Variants in VWA3B observed in about 807,000 individuals in gnomAD.
The protein encoded by VWA3B is von Willebrand factor A domain containing 3B, also known as von Willebrand factor A domain-containing protein 3B.
VWA3B carries 138 observed loss-of-function variants against 158.3 expected under a neutral mutation model. The observed-to-expected ratio is 0.87, with a 90% CI of 0.76 to 1.00. VWA3B has a LOEUF of 1.00. Among genes scored for constraint, VWA3B ranks in the 50% least tolerant of loss-of-function variants. The pLI is 0.00. For synonymous variants in VWA3B, 596 were observed against 587.3 expected, an observed-to-expected ratio of 1.01 and a Z score of -0.21; for missense variants, 1,555 against 1,565.1, an observed-to-expected ratio of 0.99 and a Z score of 0.11.
At chr2:98,201,406 T>C (rs1217321314) in intron 12 of VWA3B, among the ~76,000 whole-genome samples, 3 of 152,208 alleles carry the variant, frequency 2.0e-5, no homozygotes, top group Non-Finnish European at 4.4e-5. Flanking sequence ...TTACTTGGGA[T>C]TTCCAATGAT....
intron 20 of VWA3B, 143 bp from the exon 21 acceptor site, chr2:98,255,981 C>T: frequency 1.2e-6 from 1 of 801,902 alleles, no homozygotes. Context: ...GGTGACACAT[C>T]CAGTGTCTTT....
At chr2:98,146,878 G>A (rs1677210667) in intron 7 of VWA3B, among the ~76,000 whole-genome samples, 1 of 152,206 alleles carries the variant, frequency 6.6e-6, no homozygotes, top group Admixed American at 6.5e-5. Flanking sequence ...GATGTATGAA[G>A]GCGTGGGCTC....
At chr2:98,302,886 G>C (rs558411006) in intron 25 of VWA3B, among the ~76,000 whole-genome samples, 2 of 152,204 alleles carry the variant, frequency 1.3e-5, no homozygotes, top group Non-Finnish European at 2.9e-5. Context: ...AAGACCATCA[G>C]AGCCAGCGGC....
rs1280462882 is a variant in VWA3B at position 98,312,018 on chromosome 2, C to T, written c.3721C>T (p.His1241Tyr). 6.3e-7 allele frequency: 1 copy of T among 1,598,606 alleles called. No individual in the cohort carries two copies. ...CTCCCATGGGTCCTGCCAGGGGACA[C>T]ACCCCGAGCCCAGGGTTTGGGTGAT... The part of the protein sequence containing the change: ...ISSHGSCQGT[H>Y]PEPRTAHLHF... Residue 1241 changes from histidine (H) to tyrosine (Y), a missense_variant, in exon 27 of 28, where the codon CAC (histidine) becomes TAC (tyrosine). Coordinates refer to ENST00000477737, the MANE Select transcript of VWA3B (RefSeq NM_144992.5).
At chr2:98,092,898 C>G (rs1306917971) in intron 1 of VWA3B, among the ~76,000 whole-genome samples, 163 bp from the exon 2 acceptor site, 1 of 130,916 alleles carries the variant, frequency 7.6e-6, no homozygotes, top group African/African-American at 2.8e-5. Flanking sequence ...CTTAGCAATT[C>G]ATGTGACTGT....
intron 22 of VWA3B, among the ~76,000 whole-genome samples, chr2:98,277,489 G>C (rs891442614): frequency 5.3e-5 from 8 of 152,180 alleles, no homozygotes; most frequent in African/African-American, 1.9e-4. Context: ...GATCAAAAAG[G>C]CTCTCTCACC....
chr2:98,249,425 G>T (rs972644414), intron 19 of VWA3B, among the ~76,000 whole-genome samples: 1 of 152,092 alleles, frequency 6.6e-6, no homozygotes, highest in Non-Finnish European at 1.5e-5. Flanking sequence ...ATTGAAGGAG[G>T]GTTTCAATTC....
Position 98,270,738 on chromosome 2 carries a change from C to T in VWA3B, c.2900C>T (p.Ala967Val). Residue 967 changes from alanine (A) to valine (V), a missense_variant, in exon 22 of 28, where the codon GCT becomes GTT. Coordinates refer to ENST00000477737, the MANE Select transcript of VWA3B (RefSeq NM_144992.5). ...YLENKTVLNQ[A>V]LERLNWPISL... The stretch of plus-strand genomic sequence containing the variant: ...GAAAACAAAACAGTTTTAAACCAGG[C>T]TTTAGAACGGTTGAATTGGCCCATT... The T allele has an allele frequency of 6.2e-7, 1 of 1,614,090 alleles. No individual in the cohort carries two copies. The highest frequency in any genetic ancestry group is 8.5e-7 in the Non-Finnish European group (1 of 1,179,974).
At chr2:98,191,084 T>C (rs1184162883) in intron 10 of VWA3B, among the ~76,000 whole-genome samples, 1 of 152,218 alleles carries the variant, frequency 6.6e-6, no homozygotes, top group East Asian at 1.9e-4. Flanking sequence ...CTTTGCTTTG[T>C]CTTTTGTTCC....
rs750568001 is a variant in VWA3B, at chr2:98,303,751, C to T, written c.3470C>T (p.Ala1157Val). 6.8e-5 allele frequency: 110 copies of T among 1,614,082 alleles called. No individual in the cohort carries two copies. Among genetic ancestry groups the T allele is most frequent in the Non-Finnish European group, 7.8e-5 (92 of 1,180,002 alleles). The change falls in exon 26 of 28, where the codon GCG becomes GTG. Residue 1157 changes from alanine (A) to valine (V), a missense_variant. By Grantham distance (64) the Ala-to-Val change is moderately conservative (BLOSUM62 0). Coordinates refer to ENST00000477737, the MANE Select transcript of VWA3B (RefSeq NM_144992.5). ...ATTAAGATCAGCCAAAACAAGTATG[C>T]GCTCTCTTGCTCTCATATAAAGTCA... Reference protein sequence around the residue: ...ALIKISQNKYALSCSHIKSPP... With the variant: ...ALIKISQNKYVLSCSHIKSPP...
chr2:98,223,308 C>CAAAAAAAAAAAAAAAAAAAAAACAA (rs35992329), intron 14 of VWA3B, among the ~76,000 whole-genome samples: 1 of 123,596 alleles, frequency 8.1e-6, no homozygotes. Flanking sequence ...GAAAATAGAC[C>CAAAAAAAAAAAAAAAAAAAAAACAA]AAAAAAAAAA....
intron 7 of VWA3B, among the ~76,000 whole-genome samples, chr2:98,144,496 C>G (rs1043774850): frequency 1.3e-5 from 2 of 151,564 alleles, no homozygotes; most frequent in African/African-American, 2.4e-5. Flanking sequence ...AGTTCCTCTT[C>G]TAGTCATTCC....
chr2:98,232,944 G>A (rs1056555558), intron 16 of VWA3B, among the ~76,000 whole-genome samples: 1 of 152,068 alleles, frequency 6.6e-6, no homozygotes, highest in African/African-American at 2.4e-5. Context: ...CAGGGAGGAG[G>A]GCCTTGAACC....
downstream of VWA3B, among the ~76,000 whole-genome samples, chr2:98,315,054 A>G (rs1392608169): frequency 1.3e-5 from 2 of 152,196 alleles, no homozygotes; most frequent in Non-Finnish European, 2.9e-5. Context: ...AATGAAAAGT[A>G]CCAGAAATGG....
At chr2:98,273,652 T>G (rs1370011094) in intron 22 of VWA3B, among the ~76,000 whole-genome samples, 1 of 152,162 alleles carries the variant, frequency 6.6e-6, no homozygotes, top group East Asian at 1.9e-4. Context: ...CATTTATGAG[T>G]GCCCATGAGA....
chr2:98,301,488 G>A (rs1021459375), intron 25 of VWA3B, among the ~76,000 whole-genome samples: 7 of 152,184 alleles, frequency 4.6e-5, no homozygotes, highest in African/African-American at 9.7e-5. Context: ...TGTGAGGCTT[G>A]AAGAAAAGAC....
intron 6 of VWA3B, 50 bp from the exon 7 acceptor site, chr2:98,133,774 C>T: frequency 6.6e-7 from 1 of 1,520,244 alleles, no homozygotes; most frequent in Non-Finnish European, 9.1e-7. Flanking sequence ...AACAAGCATG[C>T]ACGGACACCT....
In VWA3B at chr2:98,194,481, A is replaced by G. The variant is rs532119337; in HGVS notation, c.1726A>G (p.Arg576Gly). ...DNLEQAQSWI[R>G]DIKIGSSTNT... ...TTTGGAACAGGCTCAGTCCTGGATT[A>G]GAGACATAAAGGTAAGTTGGAGACT... is the stretch of plus-strand genomic sequence containing the variant. Residue 576 changes from arginine to glycine, a missense_variant, in exon 12 of 28, where the codon AGA becomes GGA. Transcript: ENST00000477737. The G allele has an allele frequency of 6.2e-7, 1 of 1,613,920 alleles. No individual in the cohort carries two copies. The highest frequency in any genetic ancestry group is 1.3e-5 in the African/African-American group (1 of 75,056).
intron 12 of VWA3B, among the ~76,000 whole-genome samples, chr2:98,208,869 C>A (rs1218678233): frequency 6.6e-6 from 1 of 151,940 alleles, no homozygotes; most frequent in Non-Finnish European, 1.5e-5. Flanking sequence ...AGGCTTTTTT[C>A]TTTTCTCGTT....
Sources: gnomAD v4.1 joint callset for allele counts (sites outside exome capture counted in the v4.1 genomes callset) on GRCh38, gnomAD v4.1.1 for gene constraint, MANE v1.5 for transcripts, NCBI Gene and HGNC (gene_info 2026-07-23, HGNC 2026-07-21) for gene names.